The following ADK variants were observed in gnomAD, a reference collection of about 807,000 sequenced individuals.
ADK encodes N6,N6-dimethyladenosine kinase.
A neutral mutation model predicts 44.7 loss-of-function variants in ADK; 24 were observed. The observed-to-expected ratio is 0.54, with a 90% confidence interval of 0.39 to 0.76. ADK has a LOEUF of 0.76. Ranked by LOEUF, ADK falls within the 30% of genes least tolerant of loss-of-function variation. The pLI, the probability that ADK is intolerant of heterozygous loss-of-function variation, is 0.00. For synonymous variants in ADK, 128 were observed against 142.6 expected (o/e 0.90, Z 0.73); for missense variants, 321 against 425.1 (o/e 0.76, Z 2.15).
At chr10:74,430,026 A>G (rs1844928976) in intron 6 of ADK, among the ~76,000 whole-genome samples, 1 of 152,182 alleles carries the variant, frequency 6.6e-6, no homozygotes, top group African/African-American at 2.4e-5. Context: ...TGGTACTATT[A>G]TTACCTCTAT....
In ADK at chr10:74,321,325, C is replaced by T. The variant is rs551238082; in HGVS notation, c.273+6580C>T. Among the ~76,000 whole-genome samples, 230 of 151,796 alleles carry T rather than the reference C, an allele frequency of 1.5e-3. 1 individual carries two copies. Among genetic ancestry groups the T allele is most frequent in the South Asian group, 8.1e-3 (39 of 4,790 alleles). On this transcript the variant is annotated intron_variant, in intron 4 of 10. Transcript: ENST00000539909. ...TTGAGGCAGAGTCTTGCTCTGTCAC[C>T]CAGGCTGGAGTGCAGTGGTGCGATC...
At chr10:74,207,492 T>C (rs755246457) in intron 2 of ADK, among the ~76,000 whole-genome samples, 12 of 152,196 alleles carry the variant, frequency 7.9e-5, no homozygotes, top group African/African-American at 1.9e-4. Context: ...AGGAGCTTCA[T>C]TGAGCAACAG....
intron 6 of ADK, among the ~76,000 whole-genome samples, chr10:74,515,023 A>G (rs532965672): frequency 6.6e-6 from 1 of 152,190 alleles, no homozygotes; most frequent in South Asian, 2.1e-4. Flanking sequence ...ACAGGGTTTC[A>G]CCATGTTGCC....
intron 4 of ADK, among the ~76,000 whole-genome samples, chr10:74,336,144 A>G (rs1371003851): frequency 6.6e-6 from 1 of 152,174 alleles, no homozygotes; most frequent in Non-Finnish European, 1.5e-5. Context: ...TTTACTTTTT[A>G]CATGTAGATC....
intron 9 of ADK, among the ~76,000 whole-genome samples, chr10:74,625,511 C>T (rs151146816): frequency 5.9e-5 from 9 of 152,044 alleles, no homozygotes; most frequent in East Asian, 1.9e-4. Flanking sequence ...ATCAGTTTAC[C>T]GTAATTCCAT....
At chr10:74,705,760 G>A (rs1159222605) in intron 10 of ADK, among the ~76,000 whole-genome samples, 2 of 152,228 alleles carry the variant, frequency 1.3e-5, no homozygotes, top group African/African-American at 4.8e-5. Flanking sequence ...CAATTAGTGT[G>A]TGAGAGTTCC....
intron 3 of ADK, among the ~76,000 whole-genome samples, chr10:74,228,629 G>A (rs550039215): frequency 1.3e-5 from 2 of 152,164 alleles, no homozygotes; most frequent in African/African-American, 4.8e-5. Context: ...TTTATAAATG[G>A]AATCTTACTC....
intron 9 of ADK, among the ~76,000 whole-genome samples, chr10:74,609,180 G>A (rs1012185057): frequency 6.6e-6 from 1 of 152,126 alleles, no homozygotes; most frequent in Admixed American, 6.5e-5. Context: ...GGGCTCCGTC[G>A]GGGCAGGATC....
chr10:74,694,153 T>TTTTTA (rs1161059071), intron 10 of ADK, among the ~76,000 whole-genome samples: 1 of 143,468 alleles, frequency 7.0e-6, no homozygotes, highest in Non-Finnish European at 1.5e-5. Flanking sequence ...ACACATTTTT[T>TTTTTA]TTTTTTTTTT....
intron 6 of ADK, among the ~76,000 whole-genome samples, chr10:74,499,195 G>T (rs1423536739): frequency 6.6e-6 from 1 of 152,110 alleles, no homozygotes. Flanking sequence ...GGGACTACAG[G>T]CGTGTGCCAT....
chr10:74,503,484 A>G (rs1254385539), intron 6 of ADK, among the ~76,000 whole-genome samples: 1 of 152,038 alleles, frequency 6.6e-6, no homozygotes, highest in Non-Finnish European at 1.5e-5. Flanking sequence ...GGTTTTTTGA[A>G]CAAAGGAGCT....
chr10:74,611,787 G>A (rs1852555313), intron 9 of ADK, among the ~76,000 whole-genome samples: 1 of 152,008 alleles, frequency 6.6e-6, no homozygotes, highest in Non-Finnish European at 1.5e-5. Context: ...CATCTATGCT[G>A]CTGCAAAGGA....
At chr10:74,279,231 G>A (rs1273524430) in intron 3 of ADK, among the ~76,000 whole-genome samples, 2 of 151,966 alleles carry the variant, frequency 1.3e-5, no homozygotes, top group African/African-American at 2.4e-5. Flanking sequence ...AGTGATCCGA[G>A]ATTGCGCCAC....
chr10:74,560,251 G>T (rs1425082185), intron 7 of ADK, among the ~76,000 whole-genome samples: 1 of 152,058 alleles, frequency 6.6e-6, no homozygotes, highest in Non-Finnish European at 1.5e-5. Context: ...TGCTTTTTTT[G>T]TATATGGAAC....
chr10:74,215,286 C>T (rs1393533593), intron 2 of ADK, among the ~76,000 whole-genome samples: 1 of 152,188 alleles, frequency 6.6e-6, no homozygotes, highest in Non-Finnish European at 1.5e-5. Flanking sequence ...TTGCATCATT[C>T]TATGAAAGCC....
intron 7 of ADK, among the ~76,000 whole-genome samples, chr10:74,538,541 A>T (rs999128138): frequency 1.3e-5 from 2 of 152,226 alleles, no homozygotes; most frequent in African/African-American, 4.8e-5. Context: ...AGCTTCACTC[A>T]TATTTGGACA....
chr10:74,456,784 A>G (rs970268281), intron 6 of ADK, among the ~76,000 whole-genome samples: 2 of 152,086 alleles, frequency 1.3e-5, no homozygotes, highest in Admixed American at 1.3e-4. Context: ...GGAACCATTG[A>G]GAACAAAGAC....
At chr10:74,230,706 G>A (rs1325864753) in intron 3 of ADK, among the ~76,000 whole-genome samples, 4 of 148,898 alleles carry the variant, frequency 2.7e-5, no homozygotes, top group South Asian at 2.1e-4. Context: ...TTTTTGAGAC[G>A]GAGTCTCACT....
At chr10:74,366,214 C>G (rs1054328289) in intron 4 of ADK, among the ~76,000 whole-genome samples, 1 of 152,108 alleles carries the variant, frequency 6.6e-6, no homozygotes, top group Non-Finnish European at 1.5e-5. Context: ...TTATCAGCAT[C>G]TCTAGATCCT....
Sources: allele counts gnomAD v4.1 joint callset (sites outside exome capture counted in the v4.1 genomes callset), GRCh38; gene constraint gnomAD v4.1.1; transcripts MANE v1.5; gene names NCBI Gene and HGNC (gene_info 2026-07-23, HGNC 2026-07-21).